Variants in PDLIM5 observed in about 807,000 individuals in gnomAD.
PDLIM5 encodes the protein PDZ and LIM domain protein 5.
PDLIM5 carries 34 observed loss-of-function variants against 64.2 expected under a neutral mutation model. The ratio of observed to expected loss-of-function variants is 0.53; its 90% CI spans 0.40 to 0.71. PDLIM5 has a LOEUF of 0.71. PDLIM5 is among the 30% of genes least tolerant of loss of function. PDLIM5 has a pLI of 0.00. For synonymous variants in PDLIM5, 253 were observed against 269.1 expected, an observed-to-expected ratio of 0.94 and a Z score of 0.59; for missense variants, 683 against 733.6, an observed-to-expected ratio of 0.93 and a Z score of 0.80.
intron 4 of PDLIM5, 88 bp from the exon 5 acceptor site, chr4:94,575,528 A>G (rs993504876): frequency 2.1e-5 from 20 of 937,998 alleles, no homozygotes; most frequent in Non-Finnish European, 2.9e-5. Context: ...TTTGTCTTTT[A>G]AAAAATCAGC....
At chr4:94,540,312 G>A (rs1236279852) in intron 3 of PDLIM5, among the ~76,000 whole-genome samples, 1 of 152,036 alleles carries the variant, frequency 6.6e-6, no homozygotes, top group Non-Finnish European at 1.5e-5. Context: ...TAGAGATGGG[G>A]TTTCACTGTG....
intron 3 of PDLIM5, among the ~76,000 whole-genome samples, chr4:94,552,480 AAAT>A (rs1732894798): frequency 6.6e-6 from 1 of 152,146 alleles, no homozygotes; most frequent in South Asian, 2.1e-4. Flanking sequence ...AATAAAAAAG[AAAT>A]AGATTAAATT....
At chr4:94,650,593 TC>T (rs1741766982) in intron 9 of PDLIM5, among the ~76,000 whole-genome samples, 1 of 152,028 alleles carries the variant, frequency 6.6e-6, no homozygotes, top group Admixed American at 6.6e-5. Context: ...TCTGACGTTT[TC>T]TTCATCTACA....
chr4:94,496,780 A>G (rs1406352609), intron 2 of PDLIM5, among the ~76,000 whole-genome samples: 1 of 152,160 alleles, frequency 6.6e-6, no homozygotes, highest in Admixed American at 6.5e-5. Context: ...GGTGTGAGCC[A>G]CCCCGCCCAG....
At chr4:94,589,153 G>A (rs1467330396) in intron 7 of PDLIM5, among the ~76,000 whole-genome samples, 2 of 151,926 alleles carry the variant, frequency 1.3e-5, no homozygotes, top group African/African-American at 4.8e-5. Context: ...TGGAATTAAA[G>A]CCTCATAAAA....
intron 7 of PDLIM5, among the ~76,000 whole-genome samples, chr4:94,591,024 T>C (rs987050082): frequency 2.0e-5 from 3 of 152,134 alleles, no homozygotes; most frequent in African/African-American, 7.2e-5. Flanking sequence ...AAATATATGT[T>C]GGTAACATGA....
At chr4:94,615,692 C>T (rs909688811) in intron 7 of PDLIM5, among the ~76,000 whole-genome samples, 1 of 152,130 alleles carries the variant, frequency 6.6e-6, no homozygotes, top group South Asian at 2.1e-4. Context: ...ATTCGTTGTG[C>T]GGCATTCCAT....
At chr4:94,503,962 A>C (rs1728156896) in intron 2 of PDLIM5, among the ~76,000 whole-genome samples, 1 of 152,162 alleles carries the variant, frequency 6.6e-6, no homozygotes, top group South Asian at 2.1e-4. Context: ...CATTACTATT[A>C]CATCTTTATG....
At chr4:94,483,683 C>T (rs543658495) in intron 2 of PDLIM5, among the ~76,000 whole-genome samples, 4 of 152,148 alleles carry the variant, frequency 2.6e-5, no homozygotes, top group South Asian at 2.1e-4. Context: ...GGTTCAACAT[C>T]GTGTTTTACA....
At chr4:94,609,971 GC>G (rs1395097307) in intron 7 of PDLIM5, among the ~76,000 whole-genome samples, 2 of 152,190 alleles carry the variant, frequency 1.3e-5, no homozygotes, top group Non-Finnish European at 2.9e-5. Context: ...TTATACATCA[GC>G]TTTTAGCTTC....
chr4:94,465,501 A>G (rs924759990), intron 2 of PDLIM5, among the ~76,000 whole-genome samples: 2 of 152,140 alleles, frequency 1.3e-5, no homozygotes, highest in African/African-American at 4.8e-5. Flanking sequence ...CCTGGGTTCA[A>G]GCGGTTCTCC....
intron 8 of PDLIM5, among the ~76,000 whole-genome samples, chr4:94,625,689 G>C (rs1739633826): frequency 1.3e-5 from 2 of 152,198 alleles, no homozygotes; most frequent in African/African-American, 4.8e-5. Context: ...TCCTGACCTT[G>C]TGATCTGCCC....
intron 7 of PDLIM5, chr4:94,608,101 C>A: frequency 6.5e-7 from 1 of 1,532,444 alleles, no homozygotes; most frequent in Non-Finnish European, 8.7e-7. Flanking sequence ...GTGGACCTCA[C>A]CCTCCTGCAA....
intron 9 of PDLIM5, among the ~76,000 whole-genome samples, chr4:94,649,705 G>A (rs1436453247): frequency 6.6e-6 from 1 of 152,194 alleles, no homozygotes; most frequent in Non-Finnish European, 1.5e-5. Flanking sequence ...TTTGTAGAAT[G>A]TATATTAGTG....
intron 2 of PDLIM5, among the ~76,000 whole-genome samples, chr4:94,518,445 A>G (rs1729552281): frequency 6.6e-6 from 1 of 152,040 alleles, no homozygotes; most frequent in African/African-American, 2.4e-5. Context: ...TTTCAGTGTA[A>G]TTTTATAAAG....
At chr4:94,485,116 C>G (rs577370463) in intron 2 of PDLIM5, among the ~76,000 whole-genome samples, 5 of 152,240 alleles carry the variant, frequency 3.3e-5, no homozygotes, top group Admixed American at 3.3e-4. Flanking sequence ...GAAAGAGAAA[C>G]TAATGTCTTG....
chr4:94,467,284 G>A (rs2126087302), intron 2 of PDLIM5, among the ~76,000 whole-genome samples: 1 of 151,366 alleles, frequency 6.6e-6, no homozygotes, highest in South Asian at 2.1e-4. Context: ...ATTTGTTAAT[G>A]TACCTGATTG....
At chr4:94,630,001 G>T (rs977886756) in intron 8 of PDLIM5, among the ~76,000 whole-genome samples, 1 of 152,144 alleles carries the variant, frequency 6.6e-6, no homozygotes, top group Non-Finnish European at 1.5e-5. Flanking sequence ...CTTTGCTTCT[G>T]TTGGCCACCA....
At chr4:94,495,863 T>C (rs1327136243) in intron 2 of PDLIM5, among the ~76,000 whole-genome samples, 1 of 152,242 alleles carries the variant, frequency 6.6e-6, no homozygotes, top group Non-Finnish European at 1.5e-5. Flanking sequence ...GTTTGAAAGA[T>C]GACCATGGAC....
Sources: allele counts gnomAD v4.1 joint callset (sites outside exome capture counted in the v4.1 genomes callset), GRCh38; gene constraint gnomAD v4.1.1; transcripts MANE v1.5; gene names NCBI Gene and HGNC (gene_info 2026-07-23, HGNC 2026-07-21).